Variants in IDH3A observed in about 807,000 individuals in gnomAD.
IDH3A encodes isocitrate dehydrogenase [NAD] subunit alpha, mitochondrial.
A neutral mutation model predicts 43.3 loss-of-function variants in IDH3A; 23 were observed. The observed-to-expected ratio is 0.53, with a 90% CI of 0.38 to 0.75. IDH3A has a LOEUF of 0.75. IDH3A is among the 30% of genes least tolerant of loss of function. The pLI is 0.00. For synonymous variants in IDH3A, 154 were observed against 163.5 expected (o/e 0.94, Z 0.44); for missense variants, 329 against 474.4 (o/e 0.69, Z 2.85).
At chr15:78,163,286 C>G (rs1209347512) in intron 6 of IDH3A, among the ~76,000 whole-genome samples, 1 of 152,116 alleles carries the variant, frequency 6.6e-6, no homozygotes, top group South Asian at 2.1e-4. Flanking sequence ...CTGTTATGAT[C>G]AAACTATTTT....
At chr15:78,162,878 G>C (rs553300324) in intron 6 of IDH3A, among the ~76,000 whole-genome samples, 1 of 152,160 alleles carries the variant, frequency 6.6e-6, no homozygotes, top group Admixed American at 6.5e-5. Context: ...CTCCCTGGGC[G>C]AATGACAGGA....
chr15:78,155,186 G>C (rs749072454), intron 1 of IDH3A, 27 bp from the exon 2 acceptor site: 1 of 1,555,328 alleles, frequency 6.4e-7, no homozygotes, highest in South Asian at 1.1e-5. Context: ...TTCTGTGTGT[G>C]ATATTTCTCT....
At chr15:78,150,414 C>A (rs2074564346) in intron 1 of IDH3A, among the ~76,000 whole-genome samples, 1 of 152,174 alleles carries the variant, frequency 6.6e-6, no homozygotes, top group Non-Finnish European at 1.5e-5. Context: ...AATCTATAAA[C>A]AATTTAACGT....
intron 5 of IDH3A, 140 bp from the exon 6 acceptor site, chr15:78,162,091 TGTC>T (rs1162999103): frequency 3.3e-5 from 26 of 790,380 alleles, no homozygotes; most frequent in Non-Finnish European, 5.4e-5. Context: ...TGAACCCCAT[TGTC>T]GTAGCAGTGT....
intron 1 of IDH3A, among the ~76,000 whole-genome samples, chr15:78,149,872 T>C (rs2074559389): frequency 6.6e-6 from 1 of 152,360 alleles, no homozygotes; most frequent in Admixed American, 6.5e-5. Flanking sequence ...TCATCCGCTG[T>C]CTGCGCGGCC....
At position 78,162,278 on chromosome 15, in the gene IDH3A, G is replaced by A; in HGVS notation, c.522G>A (p.Gly174=). Residue 174 remains glycine, a synonymous_variant, in exon 6 of 11, where the codon GGG becomes GGA. Transcript: ENST00000299518. ...AGAGTATCAAGCTCATCACCGAGGG[G>A]GCGAGCAAGCGCATTGCTGAGTTTG... The part of the protein sequence containing the change: ...VVQSIKLITE[G]ASKRIAEFAF... The A allele has an allele frequency of 6.2e-7, 1 of 1,614,184 alleles. No homozygotes were observed. Among genetic ancestry groups the A allele is most frequent in the Non-Finnish European group, 8.5e-7 (1 of 1,180,028 alleles).
chr15:78,163,673 A>AT, intron 7 of IDH3A, 43 bp from the exon 8 acceptor site: 1 of 1,566,924 alleles, frequency 6.4e-7, no homozygotes, highest in Non-Finnish European at 8.8e-7. Context: ...TGTTGTGGGG[A>AT]TGCAGATTTT....
chr15:78,163,080 G>A (rs1595870276), intron 6 of IDH3A, among the ~76,000 whole-genome samples: 1 of 152,198 alleles, frequency 6.6e-6, no homozygotes, highest in Non-Finnish European at 1.5e-5. Context: ...TGTTACTCCA[G>A]CAACTTAAAT....
intron 3 of IDH3A, among the ~76,000 whole-genome samples, chr15:78,159,640 CTCT>C (rs1169378162): frequency 5.9e-5 from 9 of 152,154 alleles, no homozygotes; most frequent in African/African-American, 2.2e-4. Context: ...AGAATGACAT[CTCT>C]TCTTGCATGC....
In IDH3A at chr15:78,149,377, G is replaced by T; in HGVS notation, c.-27G>T. 6.5e-7 allele frequency: 1 copy of T among 1,532,914 alleles called. No individual in the cohort carries two copies. The highest frequency in any genetic ancestry group is 8.7e-7 in the Non-Finnish European group (1 of 1,146,854). 95.0% of individuals were successfully genotyped at this position (1,532,914 alleles called of 1,614,324 possible). ...GCGCTTGCGCACTGCCGCTGCGGCT[G>T]TTGCTGCGGAGCCAGGAGGGGAAGC... On this transcript the variant is annotated 5_prime_UTR_variant, in exon 1 of 11. Coordinates refer to ENST00000299518, the MANE Select transcript of IDH3A (RefSeq NM_005530.3).
At position 78,170,172 on chromosome 15, in the gene IDH3A, C is replaced by T. The variant is rs1174135716; in HGVS notation, c.*1167C>T. The T allele has an allele frequency of 1.3e-5, 2 of 152,218 alleles. No homozygotes were observed. The highest frequency in any genetic ancestry group is 1.3e-4 in the Admixed American group (2 of 15,278). 9.4% of individuals were successfully genotyped at this position (152,218 alleles called of 1,614,324 possible). A position where few individuals can be genotyped will look rare whatever the true frequency, so the allele number is the denominator to read the frequency against. On this transcript the variant is annotated 3_prime_UTR_variant, in exon 11 of 11. Coordinates refer to ENST00000299518, the MANE Select transcript of IDH3A (RefSeq NM_005530.3). ...TCAGCTTTTGACCCTCAGGCATCTC[C>T]TTTCCCTTCCTGTCTTCCTCTCCCT...
chr15:78,155,247 A>C lies in IDH3A; in HGVS notation c.62A>C (p.Lys21Thr), dbSNP rs765689112. The C allele has an allele frequency of 1.2e-6, 2 of 1,613,248 alleles. No individual in the cohort carries two copies. The highest frequency in any genetic ancestry group is 2.2e-5 in the South Asian group (2 of 91,042). ...SRLLGAFHNPKQVTRGFTGGV... is the reference protein window; with the variant it reads ...SRLLGAFHNPTQVTRGFTGGV... ...CTGCTGGGGGCATTCCACAACCCAA[A>C]ACAGGTGACCAGAGGTTTTACTGGT... Residue 21 changes from lysine (K) to threonine (T), a missense_variant, in exon 2 of 11, where the codon AAA becomes ACA. Around this residue, in one of 3 missense-constraint regions of IDH3A, gnomAD observed 212 missense variants for 345.5 expected, o/e 0.61. Coordinates refer to ENST00000299518, the MANE Select transcript of IDH3A (RefSeq NM_005530.3).
chr15:78,169,361 T>C lies in IDH3A; in HGVS notation c.*356T>C, dbSNP rs1307307648. ...GATACAGAATTAACAAGAGAAAATG[T>C]CTAACTTTTTAAGAAAAACCTTATT... On this transcript the variant is annotated 3_prime_UTR_variant, in exon 11 of 11. Coordinates refer to ENST00000299518, the MANE Select transcript of IDH3A (RefSeq NM_005530.3). 1 of 162,014 alleles carries C rather than the reference T, an allele frequency of 6.2e-6. No homozygotes were observed. The highest frequency in any genetic ancestry group is 2.4e-5 in the African/African-American group (1 of 41,944). 10.0% of individuals were successfully genotyped at this position (162,014 alleles called of 1,614,324 possible). A position where few individuals can be genotyped will look rare whatever the true frequency, so the allele number is the denominator to read the frequency against.
intron 9 of IDH3A, 88 bp downstream of exon 9, chr15:78,165,164 C>T: frequency 1.3e-6 from 1 of 794,648 alleles, no homozygotes; most frequent in Non-Finnish European, 2.1e-6. Context: ...GCTTTAACTC[C>T]AGTTTTTCAA....
chr15:78,158,817 CTTTA>C (rs1469299472), intron 3 of IDH3A, among the ~76,000 whole-genome samples: 1 of 151,182 alleles, frequency 6.6e-6, no homozygotes, highest in East Asian at 1.9e-4. Context: ...ATCATTCATC[CTTTA>C]TTTTTTATTT....
intron 2 of IDH3A, among the ~76,000 whole-genome samples, chr15:78,156,320 A>T (rs1207750073): frequency 6.6e-6 from 1 of 152,144 alleles, no homozygotes; most frequent in Non-Finnish European, 1.5e-5. Context: ...TAATTTTTTT[A>T]AAGACTTCTT....
chr15:78,157,640 G>A lies in IDH3A; in HGVS notation c.174+9G>A, dbSNP rs765220684. ...TTTTTGATGCTGCCAAAGTAAGTGGGCTTAAAAAATACATTTAATGATGAC... is the reference window on the plus strand; with the variant it reads ...TTTTTGATGCTGCCAAAGTAAGTGGACTTAAAAAATACATTTAATGATGAC... On this transcript the variant is annotated intron_variant, in intron 3 of 10. Coordinates refer to ENST00000299518, the MANE Select transcript of IDH3A (RefSeq NM_005530.3). The A allele has an allele frequency of 3.1e-6, 5 of 1,598,060 alleles. No homozygotes were observed. In the African/African-American group the frequency reaches 6.7e-5, roughly 21 times the overall value.
chr15:78,150,085 G>GGA (rs1346634199), intron 1 of IDH3A, among the ~76,000 whole-genome samples: 1 of 152,218 alleles, frequency 6.6e-6, no homozygotes, highest in Admixed American at 6.5e-5. Flanking sequence ...CTGAACCTTC[G>GGA]GAGAGAGAGA....
At chr15:78,163,481 A>C in intron 6 of IDH3A, 26 bp from the exon 7 acceptor site, 3 of 1,479,496 alleles carry the variant, frequency 2.0e-6, no homozygotes, top group Non-Finnish European at 2.8e-6. Context: ...CTTTTTTTTC[A>C]GCAGTTTTTA....
Sources: gnomAD v4.1 joint callset for allele counts (sites outside exome capture counted in the v4.1 genomes callset) on GRCh38, gnomAD v4.1.1 for gene constraint, gnomAD v4.1.1 regional missense constraint, MANE v1.5 for transcripts, NCBI Gene and HGNC (gene_info 2026-07-23, HGNC 2026-07-21) for gene names.